Variants in SYNJ1 observed in about 807,000 individuals in gnomAD.
SYNJ1 encodes the protein synaptojanin 1.
In SYNJ1, 78 loss-of-function variants were observed where a neutral mutation model predicts 168.2. The observed-to-expected ratio is 0.46, with a 90% CI of 0.39 to 0.56. The LOEUF (loss-of-function observed/expected upper bound fraction) is 0.56, where lower values mean the gene tolerates loss of function less well. Ranked by LOEUF, SYNJ1 falls within the 20% of genes least tolerant of loss-of-function variation. SYNJ1 has a pLI of 0.00. For missense variants in SYNJ1, 1,303 were observed against 1,597.6 expected, an observed-to-expected ratio of 0.82 and a Z score of 3.14; for synonymous variants, 539 against 548.6, an observed-to-expected ratio of 0.98 and a Z score of 0.24.
chr21:32,634,301 C>T (rs2039467277), intron 32 of SYNJ1, among the ~76,000 whole-genome samples: 1 of 152,086 alleles, frequency 6.6e-6, no homozygotes, highest in African/African-American at 2.4e-5. Flanking sequence ...GTAATCTAAG[C>T]AGGATTTGTG....
rs775515863 is a variant in SYNJ1, at chr21:32,681,507, C to T, written c.1342G>A (p.Gly448Arg). The change falls in exon 11 of 33, where the codon GGG (glycine) becomes AGG (arginine). Residue 448 changes from glycine (G) to arginine (R), a missense_variant. Transcript: ENST00000674351. Reference sequence around the variant, plus strand: ...AGATCTAGATATACCTTCGCTTTCCCTTCAAGAGCTCCAGTTCCTGCATAT... The same window carrying T: ...AGATCTAGATATACCTTCGCTTTCCTTTCAAGAGCTCCAGTTCCTGCATAT... ...KIYAGTGALE[G>R]KAKLKDGARS... The T allele has an allele frequency of 1.9e-6, 3 of 1,611,910 alleles. No homozygotes were observed. Among genetic ancestry groups the T allele is most frequent in the East Asian group, 2.2e-5 (1 of 44,824 alleles).
In SYNJ1 at chr21:32,688,385, T is replaced by G; in HGVS notation, c.790-18A>C. The G allele has an allele frequency of 6.2e-7, 1 of 1,608,234 alleles. No individual in the cohort carries two copies. The highest frequency in any genetic ancestry group is 1.1e-5 in the South Asian group (1 of 89,724). On this transcript the variant is annotated intron_variant, in intron 6 of 32. Transcript: ENST00000674351. ...GATCCCACCTTAGACAAGAAAAATA[T>G]ATTTAATCAAACCAAAAACCAACAT...
In SYNJ1 at chr21:32,630,301, A is replaced by C. The variant is rs541111549; in HGVS notation, c.*1504T>G. ...AAGGGGTTGGGTGTGGAACGGTAGA[A>C]AATTCTGATTCTGTGGTGAGATTAT... On this transcript the variant is annotated 3_prime_UTR_variant, in exon 33 of 33. Coordinates refer to ENST00000674351, the MANE Select transcript of SYNJ1 (RefSeq NM_203446.3). 4 of 152,334 alleles carry C rather than the reference A, an allele frequency of 2.6e-5. No individual in the cohort carries two copies. Among genetic ancestry groups the C allele is most frequent in the African/African-American group, 9.6e-5 (4 of 41,570 alleles). The allele number at this position is 152,334 out of a possible 1,614,324, so 9.4% of individuals were successfully genotyped here.
chr21:32,709,182 T>G (rs564860819), intron 2 of SYNJ1, among the ~76,000 whole-genome samples: 1 of 152,270 alleles, frequency 6.6e-6, no homozygotes, highest in Admixed American at 6.5e-5. Context: ...AAATTTTTAC[T>G]GACTTAAGAA....
chr21:32,634,612 AGT>A (rs1489435212), intron 32 of SYNJ1, among the ~76,000 whole-genome samples: 1 of 152,202 alleles, frequency 6.6e-6, no homozygotes, highest in Admixed American at 6.5e-5. Flanking sequence ...TACACTTTTT[AGT>A]TTTGTTAATT....
chr21:32,656,667 T>C lies in SYNJ1; in HGVS notation c.2795+20A>G, dbSNP rs763634431. ...ATTGTTTATGAATCACAAGCTACTTTTGCATAATAAACATCTTACCTTATA... is the reference window on the plus strand; with the variant it reads ...ATTGTTTATGAATCACAAGCTACTTCTGCATAATAAACATCTTACCTTATA... On this transcript the variant is annotated intron_variant, in intron 21 of 32. Transcript: ENST00000674351. 2.5e-6 allele frequency: 4 copies of C among 1,587,032 alleles called. No individual in the cohort carries two copies. Among genetic ancestry groups the C allele is most frequent in the East Asian group, 2.2e-5 (1 of 44,576 alleles).
At chr21:32,724,106 A>C (rs1480669320) in intron 2 of SYNJ1, among the ~76,000 whole-genome samples, 1 of 151,814 alleles carries the variant, frequency 6.6e-6, no homozygotes, top group Non-Finnish European at 1.5e-5. Context: ...GATCTCCTTA[A>C]AGGAGATCAA....
At position 32,644,355 on chromosome 21, in the gene SYNJ1, C is replaced by G. The variant is rs1422181265; in HGVS notation, c.3430+613G>C. ...AGACCTGAATTGCTCAGCCATGTCACTAGGCAAGCTACAATAGAAACAGAC... is the reference window on the plus strand; with the variant it reads ...AGACCTGAATTGCTCAGCCATGTCAGTAGGCAAGCTACAATAGAAACAGAC... On this transcript the variant is annotated intron_variant, in intron 26 of 32. Coordinates refer to ENST00000674351, the MANE Select transcript of SYNJ1 (RefSeq NM_203446.3). Among the ~76,000 whole-genome samples, 3 of 152,208 alleles carry G rather than the reference C, an allele frequency of 2.0e-5. No homozygotes were observed. The East Asian group carries it at 5.8e-4, about 29-fold the overall frequency.
chr21:32,657,934 G>A, intron 18 of SYNJ1, 62 bp from the exon 19 acceptor site: 15 of 1,363,846 alleles, frequency 1.1e-5, no homozygotes, highest in Non-Finnish European at 1.5e-5. Flanking sequence ...TTTTCATTCA[G>A]ACAGTCATCC....
At chr21:32,698,955 A>G (rs1337005330) in intron 4 of SYNJ1, among the ~76,000 whole-genome samples, 1 of 152,206 alleles carries the variant, frequency 6.6e-6, no homozygotes, top group Non-Finnish European at 1.5e-5. Context: ...CTAAATATAC[A>G]CAACTATTTT....
At chr21:32,695,693 C>T (rs1040884503) in intron 4 of SYNJ1, among the ~76,000 whole-genome samples, 7 of 150,884 alleles carry the variant, frequency 4.6e-5, no homozygotes, top group Non-Finnish European at 7.4e-5. Context: ...GATGGAGTCT[C>T]GGAATGTTGC....
chr21:32,722,205 A>AAATAT (rs1286564956), intron 2 of SYNJ1, among the ~76,000 whole-genome samples: 26 of 65,744 alleles, frequency 4.0e-4, no homozygotes, highest in African/African-American at 1.4e-3. Flanking sequence ...AAAAAAAAAA[A>AAATAT]ATATATATAT....
chr21:32,712,449 T>C (rs1471009624), intron 2 of SYNJ1, among the ~76,000 whole-genome samples: 1 of 152,212 alleles, frequency 6.6e-6, no homozygotes, highest in Non-Finnish European at 1.5e-5. Context: ...AGGAAAAGGT[T>C]TCTCTTACAA....
At chr21:32,641,646 G>A (rs541525877) in intron 29 of SYNJ1, among the ~76,000 whole-genome samples, 1 of 152,170 alleles carries the variant, frequency 6.6e-6, no homozygotes, top group South Asian at 2.1e-4. Context: ...AGACTCTTAA[G>A]ATATTTATTT....
intron 11 of SYNJ1, 152 bp downstream of exon 11, chr21:32,681,344 G>A (rs2041614471): frequency 3.7e-6 from 3 of 818,572 alleles, no homozygotes; most frequent in Middle Eastern, 3.4e-4. Flanking sequence ...GTGAAAGGAA[G>A]TATCAAAGAA....
At chr21:32,647,713 A>G (rs1296415962) in intron 23 of SYNJ1, among the ~76,000 whole-genome samples, 2 of 152,024 alleles carry the variant, frequency 1.3e-5, no homozygotes, top group African/African-American at 2.4e-5. Context: ...GCTTGACATA[A>G]CCCCATCCCT....
intron 13 of SYNJ1, 32 bp downstream of exon 13, chr21:32,676,300 T>A (rs1339523244): frequency 6.5e-7 from 1 of 1,528,190 alleles, no homozygotes; most frequent in Admixed American, 2.2e-5. Context: ...AAAAAATTGC[T>A]TTTATTTATA....
intron 21 of SYNJ1, 76 bp from the exon 22 acceptor site, chr21:32,653,442 G>T: frequency 1.7e-6 from 2 of 1,176,690 alleles, no homozygotes; most frequent in Non-Finnish European, 2.5e-6. Flanking sequence ...CATGATTATT[G>T]ATCATTAACA....
At chr21:32,687,109 A>C (rs770361087) in intron 7 of SYNJ1, 35 bp from the exon 8 acceptor site, 7 of 1,138,342 alleles carry the variant, frequency 6.1e-6, no homozygotes, top group Non-Finnish European at 7.3e-6. Flanking sequence ...ATACATGTCA[A>C]ATAAGAAGCC....
Sources: allele counts gnomAD v4.1 joint callset (sites outside exome capture counted in the v4.1 genomes callset), GRCh38; gene constraint gnomAD v4.1.1; transcripts MANE v1.5; gene names NCBI Gene and HGNC (gene_info 2026-07-23, HGNC 2026-07-21).